CBR4: variants seen among roughly 807,000 people sequenced by gnomAD.
CBR4 encodes the protein 3-oxoacyl-[acyl-carrier-protein] reductase.
In CBR4, 22 loss-of-function variants were observed where a neutral mutation model predicts 21.0. The observed-to-expected ratio is 1.05, with a 90% CI of 0.75 to 1.50. CBR4 has a LOEUF of 1.50. CBR4 is among the 40% of genes most tolerant of loss of function. The pLI, the probability that CBR4 is intolerant of heterozygous loss-of-function variation, is 0.00. For missense variants in CBR4, 302 were observed against 286.3 expected (o/e 1.05, Z -0.40); for synonymous variants, 100 against 104.4 (o/e 0.96, Z 0.26).
chr4:168,974,300 T>C (rs1227795129), intron 2 of CBR4, among the ~76,000 whole-genome samples: 1 of 152,234 alleles, frequency 6.6e-6, no homozygotes, highest in African/African-American at 2.4e-5. Context: ...TAGGTTTTCC[T>C]TTATAGATTA....
rs1491537610 is a variant in CBR4, at chr4:168,917,049, G to GGTTT, written n.170-22285_170-22284insAAAC. ...CAGCAGGGCTTTTTGTTTTTTTGGG[G>GGTTT]TTTTTTTTTTTTTTTTTGAGACGGA... On this transcript the variant is annotated intron_variant and non_coding_transcript_variant, in intron 2 of 3. Transcript: ENST00000509108. Among the ~76,000 whole-genome samples the GGTTT allele has an allele frequency of 3.2e-5, 4 of 124,890 alleles. 1 individual carries two copies. The highest frequency in any genetic ancestry group is 1.3e-4 in the African/African-American group (4 of 31,188). The allele number at this position is 124,890 out of a possible 152,430, so 81.9% of individuals were successfully genotyped here. A position where few individuals can be genotyped will look rare whatever the true frequency, so the allele number is the denominator to read the frequency against.
chr4:169,008,383 C>CA (rs555941885), intron 1 of CBR4, among the ~76,000 whole-genome samples: 70 of 150,084 alleles, frequency 4.7e-4, no homozygotes, highest in African/African-American at 6.3e-4. Context: ...GGTTAAATGC[C>CA]AAAAAAAAAC....
chr4:168,974,732 G>A (rs1764316965), intron 2 of CBR4, among the ~76,000 whole-genome samples: 2 of 151,974 alleles, frequency 1.3e-5, no homozygotes, highest in Non-Finnish European at 2.9e-5. Flanking sequence ...TTCACTAAGT[G>A]TCTGTTTCAT....
chr4:168,978,952 G>C (rs1365475411), intron 2 of CBR4, among the ~76,000 whole-genome samples: 1 of 151,786 alleles, frequency 6.6e-6, no homozygotes, highest in African/African-American at 2.4e-5. Context: ...AGGAGTAAAA[G>C]ACAGGCCTGC....
At chr4:168,995,387 G>C (rs752918007) in intron 4 of CBR4, among the ~76,000 whole-genome samples, 2 of 151,726 alleles carry the variant, frequency 1.3e-5, no homozygotes, top group Non-Finnish European at 2.9e-5. Flanking sequence ...TTTTCACCTC[G>C]GGGAAAAAAG....
rs1358687857 is a variant in CBR4, at chr4:169,007,765, C to T, written c.143-9G>A. 1 of 1,560,734 alleles carries T rather than the reference C, an allele frequency of 6.4e-7. No homozygotes were observed. Among genetic ancestry groups the T allele is most frequent in the Non-Finnish European group, 8.6e-7 (1 of 1,157,230 alleles). On this transcript the variant is annotated splice_polypyrimidine_tract_variant and intron_variant, in intron 1 of 4. Coordinates refer to ENST00000306193, the MANE Select transcript of CBR4 (RefSeq NM_032783.5). Reference sequence around the variant, plus strand: ...AAATGCCAAATGATCTCCTACACAACAAAGTTAAATAAGAATTACTTATAA... The same window carrying T: ...AAATGCCAAATGATCTCCTACACAATAAAGTTAAATAAGAATTACTTATAA...
chr4:168,972,360 T>C (rs556455691), intron 2 of CBR4, among the ~76,000 whole-genome samples: 4 of 152,304 alleles, frequency 2.6e-5, no homozygotes, highest in East Asian at 1.9e-4. Flanking sequence ...AACTTATAGA[T>C]TGCTTTTGGC....
chr4:168,898,185 C>A (rs935954912), intron 2 of CBR4: 2 of 413,658 alleles, frequency 4.8e-6, no homozygotes, highest in East Asian at 5.3e-5. Flanking sequence ...GAATACATAG[C>A]TTTGCTTTTG....
chr4:168,905,138 G>GTTT lies in CBR4; in HGVS notation n.170-10376_170-10374dup, dbSNP rs777740588. On this transcript the variant is annotated intron_variant and non_coding_transcript_variant, in intron 2 of 3. Coordinates refer to the CBR4 transcript ENST00000509108. ...TGAGACTTTGTTTTTTGTTTTGTTG[G>GTTT]TTTTTTTTTTTTTTTTTTTTTTTTT... Among the ~76,000 whole-genome samples, 55 of 34,522 alleles carry GTTT rather than the reference G, an allele frequency of 1.6e-3. 7 individuals carry two copies. Among genetic ancestry groups the GTTT allele is most frequent in the Non-Finnish European group, 1.8e-3 (25 of 14,178 alleles). The allele number at this position is 34,522 out of a possible 152,430, so 22.6% of individuals were successfully genotyped here. A position where few individuals can be genotyped will look rare whatever the true frequency, so the allele number is the denominator to read the frequency against.
intron 2 of CBR4, among the ~76,000 whole-genome samples, chr4:168,906,550 T>G (rs746913573): frequency 1.3e-5 from 2 of 152,210 alleles, no homozygotes; most frequent in Non-Finnish European, 2.9e-5. Context: ...TCATTCCATA[T>G]TACATACATA....
chr4:168,990,674 A>G (rs1764875005), intron 4 of CBR4, among the ~76,000 whole-genome samples: 1 of 152,004 alleles, frequency 6.6e-6, no homozygotes, highest in South Asian at 2.1e-4. Context: ...GGCCCACCTC[A>G]GCCTCCCAAA....
intron 2 of CBR4, among the ~76,000 whole-genome samples, chr4:168,945,807 C>A (rs181989139): frequency 2.0e-5 from 3 of 152,234 alleles, no homozygotes; most frequent in African/African-American, 7.2e-5. Context: ...AAAACTTAGA[C>A]AATTTTGTGT....
rs1206272373 is a variant in CBR4 at position 168,934,273 on chromosome 4, C to CAAA, written n.170-39511_170-39509dup. 1.5e-3 allele frequency among the ~76,000 whole-genome samples: 16 copies of CAAA among 10,660 alleles called. 1 individual carries two copies. Among genetic ancestry groups the CAAA allele is most frequent in the African/African-American group, 1.8e-3 (7 of 3,786 alleles). The allele number at this position is 10,660 out of a possible 152,430, so 7.0% of individuals were successfully genotyped here. On this transcript the variant is annotated intron_variant and non_coding_transcript_variant, in intron 2 of 3. Coordinates refer to the CBR4 transcript ENST00000509108. ...CAAGTTTTAAAAGAAACTAGAAAAG[C>CAAA]AAAAAAAACAAAAAAAAAAAAAAAA...
intron 2 of CBR4, among the ~76,000 whole-genome samples, chr4:168,908,491 G>A (rs983727806): frequency 6.6e-6 from 1 of 151,834 alleles, no homozygotes; most frequent in Admixed American, 6.6e-5. Context: ...GTCATAAAAG[G>A]TGGTGAAAAA....
At chr4:168,972,747 T>C (rs1397271658) in intron 2 of CBR4, among the ~76,000 whole-genome samples, 2 of 152,220 alleles carry the variant, frequency 1.3e-5, no homozygotes, top group Non-Finnish European at 2.9e-5. Context: ...TGACTTCCTC[T>C]TTACCAATGT....
At chr4:168,919,449 C>T (rs368563996) in intron 2 of CBR4, among the ~76,000 whole-genome samples, 1 of 151,530 alleles carries the variant, frequency 6.6e-6, no homozygotes, top group Admixed American at 6.6e-5. Context: ...TGCTTGAACC[C>T]GGGAGGCGGA....
rs150764613 is a variant in CBR4 at position 168,898,656 on chromosome 4, T to G, written n.170-3891A>C. 3.8e-5 allele frequency: 61 copies of G among 1,614,036 alleles called. No individual in the cohort carries two copies. In the Admixed American group the frequency reaches 4.5e-4, roughly 12 times the overall value. ...GAGATGAAGCTGAAACATTACAAGA[T>G]CTTTGAGGGAATGCCAGTAACTTTC... On this transcript the variant is annotated intron_variant and non_coding_transcript_variant, in intron 2 of 3. Coordinates refer to the CBR4 transcript ENST00000509108.
chr4:168,957,075 G>A (rs189013543), intron 2 of CBR4, among the ~76,000 whole-genome samples: 148 of 152,158 alleles, frequency 9.7e-4, no homozygotes, highest in Non-Finnish European at 1.7e-3. Flanking sequence ...TAATATGTGC[G>A]TCAGCTAAAG....
At chr4:168,969,503 T>G (rs1764140187) in intron 2 of CBR4, among the ~76,000 whole-genome samples, 1 of 152,108 alleles carries the variant, frequency 6.6e-6, no homozygotes, top group Admixed American at 6.6e-5. Context: ...CATGAACCCT[T>G]AAAAGCAAAG....
Sources: gnomAD v4.1 joint callset for allele counts (sites outside exome capture counted in the v4.1 genomes callset) on GRCh38, gnomAD v4.1.1 for gene constraint, MANE v1.5 for transcripts, NCBI Gene and HGNC (gene_info 2026-07-23, HGNC 2026-07-21) for gene names.